STXBP6: variants seen among roughly 807,000 people sequenced by gnomAD.
The protein encoded by STXBP6 is syntaxin binding protein 6.
In STXBP6, 21 loss-of-function variants were observed where a neutral mutation model predicts 26.9. That is an observed-to-expected ratio of 0.78 (90% CI 0.55 to 1.12). STXBP6 has a LOEUF of 1.12. Ranked by LOEUF, STXBP6 falls within the 50% of genes most tolerant of loss-of-function variation. The pLI is 0.00. For missense variants in STXBP6, 232 were observed against 257.9 expected (o/e 0.90, Z 0.69); for synonymous variants, 97 against 92.6 (o/e 1.05, Z -0.27).
intron 2 of STXBP6, among the ~76,000 whole-genome samples, chr14:24,940,425 C>T (rs2072759883): frequency 6.6e-6 from 1 of 152,118 alleles, no homozygotes; most frequent in Non-Finnish European, 1.5e-5. Flanking sequence ...GGGTGAGAAA[C>T]CCATGAAGTA....
intron 2 of STXBP6, among the ~76,000 whole-genome samples, chr14:24,953,193 C>T (rs191159703): frequency 2.0e-5 from 3 of 152,274 alleles, no homozygotes; most frequent in South Asian, 2.1e-4. Context: ...GCTTTCTTCC[C>T]TGTGTGTCTC....
intron 2 of STXBP6, among the ~76,000 whole-genome samples, chr14:24,882,755 T>G (rs1030242762): frequency 2.0e-5 from 3 of 152,224 alleles, no homozygotes; most frequent in Admixed American, 2.0e-4. Context: ...AGCCTAGCTC[T>G]AGCCTACCAC....
At chr14:24,992,918 T>C (rs917215396) in intron 1 of STXBP6, among the ~76,000 whole-genome samples, 24 of 152,348 alleles carry the variant, frequency 1.6e-4, no homozygotes, top group African/African-American at 5.8e-4. Context: ...CCACTTCTTC[T>C]AACATTCTTC....
At chr14:24,846,603 A>G (rs1369938840) in intron 4 of STXBP6, among the ~76,000 whole-genome samples, 1 of 152,226 alleles carries the variant, frequency 6.6e-6, no homozygotes, top group Non-Finnish European at 1.5e-5. Flanking sequence ...CCAGCTGAAT[A>G]ATGGATAATT....
At chr14:24,941,190 C>T (rs2139989214) in intron 2 of STXBP6, among the ~76,000 whole-genome samples, 1 of 152,280 alleles carries the variant, frequency 6.6e-6, no homozygotes, top group African/African-American at 2.4e-5. Flanking sequence ...GCATATGCCA[C>T]ACACCATGCT....
intron 1 of STXBP6, among the ~76,000 whole-genome samples, chr14:25,005,170 G>A (rs1056487938): frequency 5.3e-5 from 8 of 152,092 alleles, no homozygotes; most frequent in African/African-American, 1.9e-4. Context: ...TTTAAAAGGG[G>A]ATTTATTTGA....
chr14:25,017,474 G>A (rs768874984), intron 1 of STXBP6, among the ~76,000 whole-genome samples: 1 of 152,214 alleles, frequency 6.6e-6, no homozygotes, highest in African/African-American at 2.4e-5. Flanking sequence ...GGAAGTATAA[G>A]TCACTAGAAG....
intron 1 of STXBP6, among the ~76,000 whole-genome samples, chr14:25,012,196 T>C (rs539110035): frequency 3.3e-5 from 5 of 152,320 alleles, no homozygotes; most frequent in Admixed American, 6.5e-5. Context: ...AGTGATTATA[T>C]GTATGTAGCA....
chr14:24,857,822 C>A (rs1566417152), intron 2 of STXBP6, among the ~76,000 whole-genome samples: 1 of 151,934 alleles, frequency 6.6e-6, no homozygotes, highest in African/African-American at 2.4e-5. Flanking sequence ...TTCCCCTAAG[C>A]CTTTCTGTGC....
At chr14:24,852,198 G>A (rs1475671800) in intron 4 of STXBP6, among the ~76,000 whole-genome samples, 2 of 152,134 alleles carry the variant, frequency 1.3e-5, no homozygotes, top group Non-Finnish European at 1.5e-5. Context: ...GGGACCCCAT[G>A]ACAGTTACAT....
intron 2 of STXBP6, among the ~76,000 whole-genome samples, chr14:24,890,491 T>TA (rs934361934): frequency 7.3e-5 from 11 of 151,350 alleles, no homozygotes; most frequent in African/African-American, 2.4e-4. Flanking sequence ...TCAAGAAAAC[T>TA]AAAAAAAAAT....
chr14:24,875,471 G>T lies in STXBP6; in HGVS notation c.155-18314C>A, dbSNP rs1056920297. ...TCTTTATGTCCAGGCATTGTTTTAG[G>T]ACTCATTTGAGATTCTTAAAAAGAT... On this transcript the variant is annotated intron_variant, in intron 2 of 5. Coordinates refer to ENST00000323944, the MANE Select transcript of STXBP6 (RefSeq NM_001394410.1). Among the ~76,000 whole-genome samples the T allele has an allele frequency of 2.0e-5, 3 of 152,144 alleles. No individual in the cohort carries two copies. In the East Asian group the frequency reaches 5.8e-4, roughly 29 times the overall value.
At chr14:25,026,870 CA>C (rs994789308) in intron 1 of STXBP6, among the ~76,000 whole-genome samples, 20 of 150,786 alleles carry the variant, frequency 1.3e-4, no homozygotes, top group Admixed American at 6.6e-5. Context: ...ACCATTAAAA[CA>C]AAAAAAAAGT....
At chr14:24,915,447 T>A (rs957854369) in intron 2 of STXBP6, among the ~76,000 whole-genome samples, 1 of 152,148 alleles carries the variant, frequency 6.6e-6, no homozygotes, top group Non-Finnish European at 1.5e-5. Context: ...ACCATTGTAG[T>A]TGTATTTCAC....
At chr14:25,016,576 C>T (rs745972200) in intron 1 of STXBP6, among the ~76,000 whole-genome samples, 3 of 152,046 alleles carry the variant, frequency 2.0e-5, no homozygotes, top group Non-Finnish European at 4.4e-5. Flanking sequence ...CCAAAAAGAT[C>T]GTAAGAAATT....
chr14:24,960,071 C>T (rs959018729), intron 2 of STXBP6, among the ~76,000 whole-genome samples: 1 of 152,206 alleles, frequency 6.6e-6, no homozygotes, highest in South Asian at 2.1e-4. Flanking sequence ...TTTGCAGCTG[C>T]TAAGTGCTAA....
At chr14:24,920,736 C>T (rs1292857121) in intron 2 of STXBP6, among the ~76,000 whole-genome samples, 1 of 151,922 alleles carries the variant, frequency 6.6e-6, no homozygotes, top group Non-Finnish European at 1.5e-5. Context: ...TCCTTCAAGC[C>T]CCCAAACCAC....
At chr14:24,996,717 T>C (rs1023720628) in intron 1 of STXBP6, among the ~76,000 whole-genome samples, 3 of 150,856 alleles carry the variant, frequency 2.0e-5, no homozygotes, top group African/African-American at 4.9e-5. Flanking sequence ...TAGCCAGGCA[T>C]GGTGGCACGT....
chr14:24,818,123 T>A (rs1182172383), intron 5 of STXBP6: 2 of 456,730 alleles, frequency 4.4e-6, no homozygotes, highest in Admixed American at 4.7e-5. Flanking sequence ...AAAAGTGTAT[T>A]TGAAGGGCCA....
Sources: gnomAD v4.1 joint callset for allele counts (sites outside exome capture counted in the v4.1 genomes callset) on GRCh38, gnomAD v4.1.1 for gene constraint, MANE v1.5 for transcripts, NCBI Gene and HGNC (gene_info 2026-07-23, HGNC 2026-07-21) for gene names.